The following STXBP5L variants were observed in gnomAD, a reference collection of about 807,000 sequenced individuals.
STXBP5L encodes syntaxin-binding protein 5-like.
STXBP5L carries 65 observed loss-of-function variants against 144.5 expected under a neutral mutation model. The ratio of observed to expected loss-of-function variants is 0.45; its 90% confidence interval spans 0.37 to 0.55. The LOEUF (loss-of-function observed/expected upper bound fraction) is 0.55. Among genes scored for constraint, STXBP5L ranks in the 20% least tolerant of loss-of-function variants. The pLI, the probability that STXBP5L is intolerant of heterozygous loss-of-function variation, is 0.00. For synonymous variants in STXBP5L, 505 were observed against 469.6 expected (o/e 1.08, Z -0.97); for missense variants, 1,298 against 1,405.5 (o/e 0.92, Z 1.22).
chr3:121,067,705 G>C (rs764129166), intron 5 of STXBP5L, among the ~76,000 whole-genome samples: 1 of 152,076 alleles, frequency 6.6e-6, no homozygotes, highest in Non-Finnish European at 1.5e-5. Context: ...AGAGAGGACC[G>C]TTAAAAGCTC....
At chr3:121,317,216 G>A (rs1445072057) in intron 19 of STXBP5L, among the ~76,000 whole-genome samples, 1 of 152,130 alleles carries the variant, frequency 6.6e-6, no homozygotes, top group Non-Finnish European at 1.5e-5. Flanking sequence ...AATGTTCAAT[G>A]AAGTAAAAAA....
intron 5 of STXBP5L, among the ~76,000 whole-genome samples, chr3:121,087,886 T>C (rs1397176865): frequency 6.6e-6 from 1 of 152,148 alleles, no homozygotes; most frequent in East Asian, 1.9e-4. Flanking sequence ...AACAACTTAC[T>C]GGAATCTACT....
At chr3:121,004,488 G>T (rs1311473576) in intron 3 of STXBP5L, among the ~76,000 whole-genome samples, 1 of 151,296 alleles carries the variant, frequency 6.6e-6, no homozygotes, top group Non-Finnish European at 1.5e-5. Context: ...CAATCATGTC[G>T]TCTGCAAACA....
intron 19 of STXBP5L, among the ~76,000 whole-genome samples, chr3:121,305,563 A>T (rs1450781722): frequency 6.6e-6 from 1 of 152,216 alleles, no homozygotes. Flanking sequence ...TAATACAGTC[A>T]TATCAATACA....
intron 9 of STXBP5L, among the ~76,000 whole-genome samples, chr3:121,169,417 C>T (rs2046623023): frequency 6.6e-6 from 1 of 152,104 alleles, no homozygotes; most frequent in Admixed American, 6.5e-5. Flanking sequence ...GAATAAAGAC[C>T]TATCAGTGTG....
intron 9 of STXBP5L, among the ~76,000 whole-genome samples, chr3:121,165,435 T>C (rs750669180): frequency 7.9e-5 from 12 of 152,322 alleles, no homozygotes; most frequent in South Asian, 2.1e-4. Flanking sequence ...CAATTTTCAT[T>C]CTTTTGTGGT....
chr3:121,111,461 G>T (rs991205311), intron 5 of STXBP5L, among the ~76,000 whole-genome samples: 2 of 152,142 alleles, frequency 1.3e-5, no homozygotes, highest in Non-Finnish European at 2.9e-5. Context: ...CTTTCTATTT[G>T]TTATTCTTTT....
At chr3:121,359,400 G>A (rs1422561384) in intron 20 of STXBP5L, among the ~76,000 whole-genome samples, 1 of 151,978 alleles carries the variant, frequency 6.6e-6, no homozygotes, top group Non-Finnish European at 1.5e-5. Context: ...CTCCCATTCT[G>A]TGGTTTGTTT....
intron 19 of STXBP5L, among the ~76,000 whole-genome samples, chr3:121,286,650 T>C (rs763127922): frequency 6.6e-6 from 1 of 152,134 alleles, no homozygotes; most frequent in African/African-American, 2.4e-5. Context: ...CATGGAAACA[T>C]TTAAGTGAAG....
At chr3:121,320,437 T>C (rs2043931391) in intron 20 of STXBP5L, among the ~76,000 whole-genome samples, 1 of 152,126 alleles carries the variant, frequency 6.6e-6, no homozygotes. Flanking sequence ...ATGCCCCTTG[T>C]GAAAATGAAA....
chr3:121,110,451 G>T (rs2043927758), intron 5 of STXBP5L, among the ~76,000 whole-genome samples: 1 of 152,140 alleles, frequency 6.6e-6, no homozygotes, highest in Non-Finnish European at 1.5e-5. Context: ...GCATTTGCTT[G>T]TCTGAAAAGG....
At chr3:121,362,901 G>A (rs2045755298) in intron 20 of STXBP5L, among the ~76,000 whole-genome samples, 1 of 152,148 alleles carries the variant, frequency 6.6e-6, no homozygotes. Context: ...ATTGCACCTG[G>A]ATATTGCTGC....
intron 3 of STXBP5L, among the ~76,000 whole-genome samples, chr3:120,964,573 G>T (rs1939315694): frequency 6.6e-6 from 1 of 152,142 alleles, no homozygotes; most frequent in Non-Finnish European, 1.5e-5. Context: ...CCATGTGGTT[G>T]TGCGGTTTTG....
chr3:121,004,186 G>T (rs1944050289), intron 3 of STXBP5L, among the ~76,000 whole-genome samples: 1 of 152,144 alleles, frequency 6.6e-6, no homozygotes, highest in Non-Finnish European at 1.5e-5. Flanking sequence ...CCATGATCAT[G>T]GAATGTTCTT....
At chr3:120,975,454 G>T (rs1206202707) in intron 3 of STXBP5L, among the ~76,000 whole-genome samples, 1 of 152,104 alleles carries the variant, frequency 6.6e-6, no homozygotes, top group Non-Finnish European at 1.5e-5. Context: ...CTGAGACAAT[G>T]GGGTTTTCTA....
chr3:121,193,995 G>T (rs766020289), intron 9 of STXBP5L, among the ~76,000 whole-genome samples: 1 of 150,450 alleles, frequency 6.6e-6, no homozygotes, highest in African/African-American at 2.4e-5. Context: ...ATAATAAAAA[G>T]AAATTTTAGA....
intron 3 of STXBP5L, among the ~76,000 whole-genome samples, chr3:121,004,727 G>C (rs12630151): frequency 0.099 from 15,101 of 151,986 alleles, 1,180 homozygotes; most frequent in Admixed American, 0.2. Flanking sequence ...TACGTCCCAT[G>C]AATACCTAAT....
chr3:120,952,116 G>A (rs1373046842), intron 2 of STXBP5L, among the ~76,000 whole-genome samples: 1 of 149,894 alleles, frequency 6.7e-6, no homozygotes, highest in Non-Finnish European at 1.5e-5. Context: ...GAGAACACAT[G>A]GATACAGGAA....
chr3:121,086,216 C>T (rs765742932), intron 5 of STXBP5L, among the ~76,000 whole-genome samples: 9 of 151,890 alleles, frequency 5.9e-5, no homozygotes, highest in Non-Finnish European at 1.2e-4. Flanking sequence ...TACACATTTC[C>T]CTCTTGGCAG....
Sources: gnomAD v4.1 joint callset for allele counts (sites outside exome capture counted in the v4.1 genomes callset) on GRCh38, gnomAD v4.1.1 for gene constraint, MANE v1.5 for transcripts, NCBI Gene and HGNC (gene_info 2026-07-23, HGNC 2026-07-21) for gene names.